Variants in HHIPL1 observed in about 807,000 individuals in gnomAD.
HHIPL1 encodes HHIP-like protein 1.
HHIPL1 carries 43 observed loss-of-function variants against 61.8 expected under a neutral mutation model. The observed-to-expected ratio is 0.70, with a 90% CI of 0.55 to 0.90. HHIPL1 has a LOEUF of 0.90. HHIPL1 is among the 40% of genes least tolerant of loss of function. The probability of loss-of-function intolerance (pLI) is 0.00; values close to 1 mark genes in which losing one functional copy is unlikely to be tolerated. For synonymous variants in HHIPL1, 482 were observed against 515.8 expected (o/e 0.93, Z 0.89); for missense variants, 1,056 against 1,157.7 (o/e 0.91, Z 1.28).
chr14:99,654,228 C>T (rs1225770479), intron 2 of HHIPL1, among the ~76,000 whole-genome samples: 2 of 150,820 alleles, frequency 1.3e-5, no homozygotes, highest in African/African-American at 2.4e-5. Context: ...AAAAAGGCAA[C>T]CTGGGGAAGG....
At position 99,675,660 on chromosome 14, in the gene HHIPL1, C is replaced by T. The variant is rs1040157779; in HGVS notation, c.*34C>T. ...CCGCTGCCCCAGGCCATCCCGCCGG[C>T]GGGGGAGCCTGGCAGGGGCCGCTCC... On this transcript the variant is annotated 3_prime_UTR_variant, in exon 9 of 9. Transcript: ENST00000330710. This position sits in a 1 kb window ranked among gnomAD's most constrained non-coding sequence, Gnocchi z 5.4. 14 of 1,472,406 alleles carry T rather than the reference C, an allele frequency of 9.5e-6. No individual in the cohort carries two copies. In the Admixed American group the frequency reaches 1.6e-4, roughly 16 times the overall value. 91.2% of individuals were successfully genotyped at this position (1,472,406 alleles called of 1,614,324 possible).
At chr14:99,629,909 G>A in the HHIPL1 span, among the ~76,000 whole-genome samples, 3 of 152,370 alleles carry the variant, frequency 2.0e-5, no homozygotes, top group South Asian at 4.1e-4. Flanking sequence ...CAGCCTGAAA[G>A]TGTTCTCATT....
intron 8 of HHIPL1, among the ~76,000 whole-genome samples, chr14:99,672,977 C>T (rs552906208): frequency 6.6e-6 from 1 of 152,218 alleles, no homozygotes; most frequent in Non-Finnish European, 1.5e-5. Flanking sequence ...ACGTGCCCTG[C>T]CCTGGGGATA....
the HHIPL1 span, among the ~76,000 whole-genome samples, chr14:99,637,199 A>T: frequency 0.089 from 9,113 of 102,732 alleles, 517 homozygotes; most frequent in South Asian, 0.14. Context: ...GAAGAAAGAA[A>T]GGAAGAAAGA....
At chr14:99,637,200 GGAAGAAAGAAAGAAAGAAAGA>G in the HHIPL1 span, among the ~76,000 whole-genome samples, 246 of 104,284 alleles carry the variant, frequency 2.4e-3, 1 homozygote, top group African/African-American at 4.7e-3. Context: ...AAGAAAGAAA[GGAAGAAAGAAAGAAAGAAAGA>G]AAGAAAGAAA....
At chr14:99,640,524 A>G (rs1293957444), upstream of HHIPL1, among the ~76,000 whole-genome samples, 1 of 152,152 alleles carries the variant, frequency 6.6e-6, no homozygotes, top group Non-Finnish European at 1.5e-5. Context: ...GGCTCAAGCA[A>G]TCTGCCTGCC....
intron 1 of HHIPL1, among the ~76,000 whole-genome samples, chr14:99,648,435 G>T (rs371135189): frequency 6.6e-6 from 1 of 152,118 alleles, no homozygotes; most frequent in Non-Finnish European, 1.5e-5. Context: ...GAATGTGTGC[G>T]CTGGCTCCAA....
chr14:99,617,362 G>A, the HHIPL1 span, among the ~76,000 whole-genome samples: 1 of 152,062 alleles, frequency 6.6e-6, no homozygotes, highest in Non-Finnish European at 1.5e-5. Flanking sequence ...GGAGTGGGAG[G>A]GTTTCAGAGA....
chr14:99,623,037 G>A, the HHIPL1 span, among the ~76,000 whole-genome samples: 3 of 152,256 alleles, frequency 2.0e-5, no homozygotes, highest in Admixed American at 2.0e-4. Flanking sequence ...TGACTGGGGA[G>A]CTGGGAAGGT....
chr14:99,661,421 A>AAGGAAGGAAGGAAGGAAG (rs2056151167), intron 5 of HHIPL1, among the ~76,000 whole-genome samples: 1 of 143,406 alleles, frequency 7.0e-6, no homozygotes, highest in African/African-American at 2.6e-5. Flanking sequence ...GAGAGAGAAA[A>AAGGAAGGAAGGAAGGAAG]GAAGGAAGGA....
intron 2 of HHIPL1, among the ~76,000 whole-genome samples, chr14:99,654,640 A>G (rs1288889716): frequency 3.9e-5 from 6 of 152,212 alleles, no homozygotes; most frequent in African/African-American, 1.4e-4. Flanking sequence ...GTGTTTGATA[A>G]AACTGTAAAA....
At position 99,659,500 on chromosome 14, in the gene HHIPL1, GC is replaced by G; in HGVS notation, c.1122del (p.Asp375ThrfsTer115). 1 of 1,539,884 alleles carries G rather than the reference GC, an allele frequency of 6.5e-7. No homozygotes were observed. The highest frequency in any genetic ancestry group is 8.7e-7 in the Non-Finnish European group (1 of 1,147,662). On this transcript the variant is annotated frameshift_variant, in exon 4 of 9. Transcript: ENST00000330710. LOFTEE classifies it high-confidence loss of function. ...KERGLPYGIP[P>X]DNPFVGDPAA... ...AGCGCGGCCTGCCCTACGGCATCCCGCCCGACAACCCGTTCGTGGGCGACCC... is the reference window on the plus strand; with the variant it reads ...AGCGCGGCCTGCCCTACGGCATCCCGCCGACAACCCGTTCGTGGGCGACCC...
At chr14:99,667,873 G>A (rs758298150) in intron 6 of HHIPL1, among the ~76,000 whole-genome samples, 22 of 152,130 alleles carry the variant, frequency 1.4e-4, no homozygotes, top group African/African-American at 2.9e-4. Flanking sequence ...CCTCATGTGC[G>A]CCCAGAGGTG....
intron 1 of HHIPL1, among the ~76,000 whole-genome samples, chr14:99,648,512 G>T (rs769105145): frequency 6.6e-6 from 1 of 152,212 alleles, no homozygotes; most frequent in South Asian, 2.1e-4. Context: ...CCCACAGTCC[G>T]TGGAGTGGAC....
chr14:99,621,051 A>T, the HHIPL1 span, among the ~76,000 whole-genome samples: 1 of 152,136 alleles, frequency 6.6e-6, no homozygotes, highest in Admixed American at 6.5e-5. Context: ...TGCTGTGAGC[A>T]CCCACCCTAG....
chr14:99,663,619 C>A lies in HHIPL1; in HGVS notation c.1648+598C>A, dbSNP rs1395819942. Among the ~76,000 whole-genome samples the A allele has an allele frequency of 2.0e-5, 3 of 152,276 alleles. No individual in the cohort carries two copies. The East Asian group carries it at 5.8e-4, about 29-fold the overall frequency. On this transcript the variant is annotated intron_variant, in intron 6 of 8. Coordinates refer to ENST00000330710, the MANE Select transcript of HHIPL1 (RefSeq NM_001127258.3). ...ATGCCTTAACTGTCTGGGAATGCAA[C>A]CCAGTAGGTTTCAGCCTTATTTTAC...
chr14:99,629,020 G>T, the HHIPL1 span, among the ~76,000 whole-genome samples: 58 of 152,306 alleles, frequency 3.8e-4, no homozygotes, highest in East Asian at 8.9e-3. Flanking sequence ...GGCACCAAGG[G>T]GCCCCCTAGC....
At chr14:99,648,061 C>G (rs192788286) in intron 1 of HHIPL1, among the ~76,000 whole-genome samples, 87 of 152,234 alleles carry the variant, frequency 5.7e-4, no homozygotes, top group African/African-American at 2.0e-3. Flanking sequence ...CTTCCTGAGC[C>G]TGTTAGGAGG....
intron 2 of HHIPL1, among the ~76,000 whole-genome samples, chr14:99,654,727 C>T (rs1301700329): frequency 6.6e-6 from 1 of 152,178 alleles, no homozygotes; most frequent in Non-Finnish European, 1.5e-5. Context: ...CTTTATGATT[C>T]ACAGCATTAG....
Sources: allele counts gnomAD v4.1 joint callset (sites outside exome capture counted in the v4.1 genomes callset), GRCh38; gene constraint gnomAD v4.1.1; non-coding constraint Gnocchi (gnomAD v3.1); transcripts MANE v1.5; gene names NCBI Gene and HGNC (gene_info 2026-07-23, HGNC 2026-07-21).